WDFY4: variants seen among roughly 807,000 people sequenced by gnomAD.
The protein encoded by WDFY4 is WD repeat- and FYVE domain-containing protein 4.
WDFY4 carries 169 observed loss-of-function variants against 351.9 expected under a neutral mutation model. The ratio of observed to expected loss-of-function variants is 0.48; its 90% CI spans 0.42 to 0.55. WDFY4 has a LOEUF of 0.55. WDFY4 is among the 20% of genes least tolerant of loss of function. The pLI is 0.00. For missense variants in WDFY4, 3,803 were observed against 3,935.6 expected, an observed-to-expected ratio of 0.97 and a Z score of 0.90; for synonymous variants, 1,622 against 1,574.6, an observed-to-expected ratio of 1.03 and a Z score of -0.71.
intron 13 of WDFY4, among the ~76,000 whole-genome samples, chr10:48,766,174 C>T (rs1470063894): frequency 6.6e-6 from 1 of 152,186 alleles, no homozygotes; most frequent in African/African-American, 2.4e-5. Flanking sequence ...CAAATACATT[C>T]AAAATCTGTT....
intron 12 of WDFY4, among the ~76,000 whole-genome samples, chr10:48,757,571 A>G (rs2065373785): frequency 6.6e-6 from 1 of 151,846 alleles, no homozygotes; most frequent in Non-Finnish European, 1.5e-5. Flanking sequence ...AGTGTCTATC[A>G]GTTTTTAATG....
At position 48,723,462 on chromosome 10, in the gene WDFY4, G is replaced by A. The variant is rs915348353; in HGVS notation, c.486G>A (p.Gly162=). ...CGCTGGGCAGGGTTGCTGAGTCTGG[G>A]CTTCCAGCCCTGCTCCTACAGTGCC... ...SETLGRVAES[G]LPALLLQCLY... Residue 162 remains glycine (G), a synonymous_variant, in exon 5 of 62, where the codon GGG becomes GGA. Transcript: ENST00000325239. 2.6e-6 allele frequency: 4 copies of A among 1,550,350 alleles called. No individual in the cohort carries two copies. Among genetic ancestry groups the A allele is most frequent in the Non-Finnish European group, 3.5e-6 (4 of 1,146,988 alleles).
chr10:48,921,809 G>C (rs1032238791), intron 47 of WDFY4, among the ~76,000 whole-genome samples: 1 of 152,076 alleles, frequency 6.6e-6, no homozygotes, highest in African/African-American at 2.4e-5. Context: ...CACAAAAATC[G>C]ATAGTGCAAA....
chr10:48,760,299 G>C, intron 12 of WDFY4, 48 bp from the exon 13 acceptor site: 3 of 1,511,740 alleles, frequency 2.0e-6, no homozygotes, highest in Non-Finnish European at 2.7e-6. Flanking sequence ...AAAATAGAAA[G>C]AAACTGGAAG....
intron 13 of WDFY4, among the ~76,000 whole-genome samples, chr10:48,763,233 G>T (rs911582071): frequency 6.6e-6 from 1 of 152,204 alleles, no homozygotes; most frequent in Non-Finnish European, 1.5e-5. Context: ...CATTCTGCAG[G>T]TATTTGGGGC....
At chr10:48,922,088 C>G (rs571297365) in intron 47 of WDFY4, among the ~76,000 whole-genome samples, 5 of 152,174 alleles carry the variant, frequency 3.3e-5, no homozygotes, top group Admixed American at 6.5e-5. Context: ...TGGGTGGATT[C>G]CTAATACTGT....
chr10:48,720,215 C>A, intron 3 of WDFY4, 90 bp downstream of exon 3: 2 of 1,309,304 alleles, frequency 1.5e-6, no homozygotes, highest in Non-Finnish European at 2.1e-6. Context: ...CCTCTGCTTT[C>A]GCGTGGAGCT....
At chr10:48,956,615 A>G (rs553507135) in intron 51 of WDFY4, among the ~76,000 whole-genome samples, 1 of 151,648 alleles carries the variant, frequency 6.6e-6, no homozygotes, top group Non-Finnish European at 1.5e-5. Context: ...AAGCTTCCAG[A>G]CTCACTTCCG....
intron 13 of WDFY4, among the ~76,000 whole-genome samples, chr10:48,769,977 C>T (rs563743947): frequency 1.6e-4 from 25 of 152,352 alleles, no homozygotes; most frequent in African/African-American, 5.5e-4. Flanking sequence ...ACCTCCATCC[C>T]GTCTCCTGCG....
At position 48,725,929 on chromosome 10, in the gene WDFY4, T is replaced by C. The variant is rs7072606; in HGVS notation, c.640T>C (p.Ser214Pro). The change falls in exon 6 of 62, where the codon TCA becomes CCA. Residue 214 changes from serine (S) to proline (P), a missense_variant. Physicochemically the swap from Ser to Pro is moderately conservative, Grantham distance 74. Coordinates refer to ENST00000325239, the MANE Select transcript of WDFY4 (RefSeq NM_001394531.1). ...CTCTCAGGGCCTGGAGGGACTCCTC[T>C]CAGGAAGTGAGCTGCAGTCTCTGCT... ...SDSQGLEGLLSGSELQSLLIA... is the reference protein window; with the variant it reads ...SDSQGLEGLLPGSELQSLLIA... The C allele has an allele frequency of 0.083, 129,247 of 1,551,402 alleles. 6,332 individuals are homozygous for C. The highest frequency in any genetic ancestry group is 0.17 in the South Asian group (14,297 of 84,064).
intron 12 of WDFY4, among the ~76,000 whole-genome samples, chr10:48,751,267 A>C (rs993061334): frequency 6.6e-6 from 1 of 152,180 alleles, no homozygotes; most frequent in Non-Finnish European, 1.5e-5. Flanking sequence ...TAAAGATGAG[A>C]GTTATCTGGT....
rs2064261133 is a variant in WDFY4, at chr10:48,726,184, C to A, written c.781+114C>A. The A allele has an allele frequency of 2.4e-6, 3 of 1,237,110 alleles. No homozygotes were observed. In the East Asian group the frequency reaches 7.7e-5, roughly 32 times the overall value. The allele number at this position is 1,237,110 out of a possible 1,614,324, so 76.6% of individuals were successfully genotyped here. On this transcript the variant is annotated intron_variant, in intron 6 of 61. Transcript: ENST00000325239. ...ATGAGACTTGGGATGCTCTTGCAGC[C>A]TCTTATAGAATTTTGGGACCAAAGA...
At chr10:48,789,458 T>C (rs1256569126) in intron 21 of WDFY4, among the ~76,000 whole-genome samples, 1 of 152,198 alleles carries the variant, frequency 6.6e-6, no homozygotes, top group Non-Finnish European at 1.5e-5. Context: ...AGTCCAGGAT[T>C]CCTATCTTCT....
At chr10:48,801,141 A>T (rs769963699) in intron 24 of WDFY4, among the ~76,000 whole-genome samples, 1 of 152,182 alleles carries the variant, frequency 6.6e-6, no homozygotes, top group East Asian at 1.9e-4. Context: ...ACTCAAACAA[A>T]TCTAATCCAG....
At chr10:48,829,535 T>C (rs1451631434) in intron 37 of WDFY4, among the ~76,000 whole-genome samples, 2 of 152,192 alleles carry the variant, frequency 1.3e-5, no homozygotes, top group Non-Finnish European at 1.5e-5. Flanking sequence ...TACACTTACC[T>C]AGTCATATGT....
At chr10:48,921,341 GA>G (rs1554811909) in intron 47 of WDFY4, among the ~76,000 whole-genome samples, 2 of 151,980 alleles carry the variant, frequency 1.3e-5, no homozygotes, top group Non-Finnish European at 2.9e-5. Context: ...ATTGATTTTT[GA>G]AAAAAGGTCA....
intron 19 of WDFY4, among the ~76,000 whole-genome samples, chr10:48,781,624 A>G (rs2066229255): frequency 6.6e-6 from 1 of 152,166 alleles, no homozygotes; most frequent in Non-Finnish European, 1.5e-5. Flanking sequence ...AGGGGCATTG[A>G]AAGAACAGGT....
chr10:48,712,001 A>T (rs1377574384), intron 2 of WDFY4, among the ~76,000 whole-genome samples: 1 of 152,238 alleles, frequency 6.6e-6, no homozygotes, highest in Non-Finnish European at 1.5e-5. Context: ...CCGTACAGGC[A>T]TGTGAGCTTG....
chr10:48,762,915 C>T (rs529211641), intron 13 of WDFY4, among the ~76,000 whole-genome samples: 8 of 152,330 alleles, frequency 5.3e-5, no homozygotes, highest in Non-Finnish European at 1.2e-4. Context: ...GGACAAAAGC[C>T]TCCTCTTCTG....
Sources: gnomAD v4.1 joint callset for allele counts (sites outside exome capture counted in the v4.1 genomes callset) on GRCh38, gnomAD v4.1.1 for gene constraint, MANE v1.5 for transcripts, NCBI Gene and HGNC (gene_info 2026-07-23, HGNC 2026-07-21) for gene names.